Variants in PKHD1L1 observed in about 807,000 individuals in gnomAD.
The protein encoded by PKHD1L1 is PKHD1 like 1, also known as fibrocystin-L.
In PKHD1L1, 434 loss-of-function variants were observed where a neutral mutation model predicts 462.9. That is an observed-to-expected ratio of 0.94 (90% CI 0.87 to 1.02). The LOEUF (loss-of-function observed/expected upper bound fraction) is 1.02. Among genes scored for constraint, PKHD1L1 ranks in the 50% least tolerant of loss-of-function variants. PKHD1L1 has a pLI of 0.00. For synonymous variants in PKHD1L1, 1,781 were observed against 1,750.0 expected (o/e 1.02, Z -0.44); for missense variants, 5,202 against 5,096.1 (o/e 1.02, Z -0.63).
At chr8:109,508,475 C>T (rs1023363916) in intron 70 of PKHD1L1, among the ~76,000 whole-genome samples, 3 of 151,532 alleles carry the variant, frequency 2.0e-5, no homozygotes, top group Admixed American at 1.3e-4. Flanking sequence ...TAAAATTGGG[C>T]ATTAAAATAA....
At chr8:109,378,949 T>A (rs185016661) in intron 2 of PKHD1L1, among the ~76,000 whole-genome samples, 3 of 149,422 alleles carry the variant, frequency 2.0e-5, no homozygotes, top group Non-Finnish European at 4.4e-5. Flanking sequence ...ACAGAGGAGA[T>A]GGAATAAACA....
At position 109,456,315 on chromosome 8, in the gene PKHD1L1, G is replaced by A. The variant is rs770236947; in HGVS notation, c.6928G>A (p.Glu2310Lys). The change falls in exon 46 of 78, where the codon GAA becomes AAA. Residue 2310 changes from glutamate (E) to lysine (K), a missense_variant. Glu to Lys is a moderately conservative substitution (Grantham distance 56). This residue lies in a region of PKHD1L1 where 4,497 missense variants were observed against 4,336.8 expected (regional missense o/e 1.04). Coordinates refer to ENST00000378402, the MANE Select transcript of PKHD1L1 (RefSeq NM_177531.6). ...TRLAHTAKAG[E>K]RILILQEAVT... ...CTTGGCTCATACTGCAAAGGCAGGG[G>A]AAAGAATTTTAATTTTACAAGAAGC... 1.2e-6 allele frequency: 2 copies of A among 1,612,456 alleles called. No individual in the cohort carries two copies. The highest frequency in any genetic ancestry group is 1.7e-6 in the Non-Finnish European group (2 of 1,179,148).
intron 48 of PKHD1L1, 67 bp downstream of exon 48, chr8:109,461,975 A>G: frequency 6.6e-7 from 1 of 1,504,592 alleles, no homozygotes; most frequent in Non-Finnish European, 9.0e-7. Context: ...ATGTGTGTTG[A>G]ACTCCTGCTG....
chr8:109,522,794 C>T lies in PKHD1L1; in HGVS notation c.12234C>T (p.Ala4078=), dbSNP rs760229883. ...ERSAFPVHHV[A]FVSSLLVITQ... is the part of the protein sequence containing the mutation. Reference sequence around the variant, plus strand: ...CTGCATTTCCTGTTCATCACGTGGCCTTCGTGTCCTCACTCTTAGTGATCA... The same window carrying T: ...CTGCATTTCCTGTTCATCACGTGGCTTTCGTGTCCTCACTCTTAGTGATCA... Residue 4078 remains alanine, a synonymous_variant, in exon 75 of 78, where the codon GCC becomes GCT. Transcript: ENST00000378402. 6.2e-7 allele frequency: 1 copy of T among 1,612,350 alleles called. No homozygotes were observed. The highest frequency in any genetic ancestry group is 1.1e-5 in the South Asian group (1 of 90,880).
chr8:109,443,564 G>C, intron 36 of PKHD1L1, 112 bp from the exon 37 acceptor site: 1 of 885,366 alleles, frequency 1.1e-6, no homozygotes, highest in East Asian at 2.7e-5. Context: ...TTTCAAAAAA[G>C]ATTTACCAGA....
intron 53 of PKHD1L1, among the ~76,000 whole-genome samples, chr8:109,478,529 T>C (rs765503476): frequency 1.1e-4 from 17 of 151,306 alleles, no homozygotes; most frequent in Non-Finnish European, 1.8e-4. Flanking sequence ...CAGGGAGGGG[T>C]TATTCCAACT....
At chr8:109,476,759 C>A in intron 52 of PKHD1L1, 92 bp downstream of exon 52, 2 of 1,104,402 alleles carry the variant, frequency 1.8e-6, no homozygotes, top group South Asian at 1.6e-5. Flanking sequence ...TTGTGCAGTG[C>A]TTAATATATA....
At chr8:109,389,762 G>A (rs190497171) in intron 8 of PKHD1L1, among the ~76,000 whole-genome samples, 13 of 151,974 alleles carry the variant, frequency 8.6e-5, no homozygotes, top group Non-Finnish European at 1.5e-4. Context: ...TCCTGACTTC[G>A]GGTGATCCGC....
intron 76 of PKHD1L1, among the ~76,000 whole-genome samples, chr8:109,525,606 A>G (rs1430246097): frequency 1.3e-5 from 2 of 152,266 alleles, no homozygotes; most frequent in Admixed American, 6.5e-5. Context: ...GGGTTCTTCA[A>G]TTCTCCTCTA....
At chr8:109,399,418 GAA>G (rs922194547) in intron 12 of PKHD1L1, among the ~76,000 whole-genome samples, 37 of 146,312 alleles carry the variant, frequency 2.5e-4, no homozygotes, top group African/African-American at 9.0e-4. Context: ...GCAGTTGAAG[GAA>G]AAAAAAAAGA....
At chr8:109,469,492 T>A (rs1023805844) in intron 50 of PKHD1L1, among the ~76,000 whole-genome samples, 4 of 152,110 alleles carry the variant, frequency 2.6e-5, no homozygotes, top group African/African-American at 9.7e-5. Context: ...TTACTGTGTT[T>A]CTTACTGTCT....
At chr8:109,480,553 G>A (rs1358645138) in intron 55 of PKHD1L1, 2 of 452,262 alleles carry the variant, frequency 4.4e-6, no homozygotes, top group African/African-American at 2.0e-5. Context: ...AATTGTGAAA[G>A]CAAGAGAAAA....
intron 75 of PKHD1L1, 57 bp downstream of exon 75, chr8:109,522,947 G>A: frequency 6.7e-7 from 1 of 1,484,956 alleles, no homozygotes; most frequent in Non-Finnish European, 9.0e-7. Flanking sequence ...AAATTCTGAA[G>A]GATGAGCCAG....
At chr8:109,527,107 CATG>C (rs1255285766) in intron 77 of PKHD1L1, 87 bp downstream of exon 77, 1 of 1,110,504 alleles carries the variant, frequency 9.0e-7, no homozygotes, top group Non-Finnish European at 1.3e-6. Context: ...AGCTCTTGTG[CATG>C]ATATCACTGT....
chr8:109,520,781 G>GAA (rs397780781), intron 73 of PKHD1L1, among the ~76,000 whole-genome samples: 1 of 151,972 alleles, frequency 6.6e-6, no homozygotes, highest in Non-Finnish European at 1.5e-5. Context: ...TGAGCAGACA[G>GAA]TCCTACAGCC....
At chr8:109,487,440 C>G (rs1818585325) in intron 59 of PKHD1L1, among the ~76,000 whole-genome samples, 1 of 150,716 alleles carries the variant, frequency 6.6e-6, no homozygotes, top group Admixed American at 6.6e-5. Context: ...TCCTCCCTCC[C>G]TCCCTCCCTC....
At chr8:109,388,588 A>G (rs192021714) in intron 7 of PKHD1L1, 38 bp downstream of exon 7, 15,413 of 1,316,934 alleles carry the variant, frequency 0.012, 124 homozygotes, top group Non-Finnish European at 0.015. Context: ...AAAAACAAAT[A>G]GCAGATATAA....
chr8:109,528,673 A>G (rs1040660374), intron 77 of PKHD1L1, among the ~76,000 whole-genome samples: 1 of 152,126 alleles, frequency 6.6e-6, no homozygotes, highest in African/African-American at 2.4e-5. Flanking sequence ...TTGGTCTCCA[A>G]TTGCACTTTG....
intron 45 of PKHD1L1, among the ~76,000 whole-genome samples, chr8:109,455,859 C>T (rs1302919451): frequency 6.6e-6 from 1 of 152,004 alleles, no homozygotes; most frequent in Non-Finnish European, 1.5e-5. Flanking sequence ...TATATATATA[C>T]TATGTAATTT....
Sources: allele counts gnomAD v4.1 joint callset (sites outside exome capture counted in the v4.1 genomes callset), GRCh38; gene constraint gnomAD v4.1.1; regional missense constraint gnomAD v4.1.1; transcripts MANE v1.5; gene names NCBI Gene and HGNC (gene_info 2026-07-23, HGNC 2026-07-21).